Variants in FLT1 observed in about 807,000 individuals in gnomAD.
FLT1 encodes the protein vascular endothelial growth factor receptor 1.
A neutral mutation model predicts 156.3 loss-of-function variants in FLT1; 49 were observed. The observed-to-expected ratio is 0.31, with a 90% CI of 0.25 to 0.40. FLT1 has a LOEUF of 0.40. Among genes scored for constraint, FLT1 ranks in the 10% least tolerant of loss-of-function variants. The probability of loss-of-function intolerance (pLI) is 1.00; values close to 1 mark genes in which losing one functional copy is unlikely to be tolerated. For synonymous variants in FLT1, 594 were observed against 583.8 expected (o/e 1.02, Z -0.25); for missense variants, 1,322 against 1,637.2 (o/e 0.81, Z 3.32).
chr13:28,334,061 G>T lies in FLT1; in HGVS notation c.2557C>A (p.Pro853Thr). 6.2e-7 allele frequency: 1 copy of T among 1,613,634 alleles called. No homozygotes were observed. Among genetic ancestry groups the T allele is most frequent in the Non-Finnish European group, 8.5e-7 (1 of 1,179,518 alleles). ...QASAFGIKKS[P>T]TCRTVAVKML... ...TTCACAGCCACAGTCCGGCACGTAGGTGATTTCTTAATGCCAAATGCTGAT... is the reference window on the plus strand; with the variant it reads ...TTCACAGCCACAGTCCGGCACGTAGTTGATTTCTTAATGCCAAATGCTGAT... The change falls in exon 18 of 30, where the codon CCT becomes ACT. Residue 853 changes from proline (P) to threonine (T), a missense_variant. By Grantham distance (38) the Pro-to-Thr change is conservative (BLOSUM62 -1). This residue lies in a region of FLT1 where 991 missense variants were observed against 1,254.8 expected (regional missense o/e 0.79). Coordinates refer to ENST00000282397, the MANE Select transcript of FLT1 (RefSeq NM_002019.4).
chr13:28,303,573 G>A (rs574624075), intron 29 of FLT1, among the ~76,000 whole-genome samples: 1 of 150,096 alleles, frequency 6.7e-6, no homozygotes, highest in East Asian at 2.0e-4. Flanking sequence ...TGGTGTCATT[G>A]GGCAGAAAGA....
At chr13:28,435,073 C>G (rs1877950505) in intron 4 of FLT1, among the ~76,000 whole-genome samples, 1 of 152,168 alleles carries the variant, frequency 6.6e-6, no homozygotes, top group East Asian at 1.9e-4. Context: ...ATAACATTAA[C>G]TCAGCACTCA....
intron 3 of FLT1, among the ~76,000 whole-genome samples, chr13:28,460,284 T>C (rs989100430): frequency 6.6e-6 from 1 of 152,228 alleles, no homozygotes; most frequent in Non-Finnish European, 1.5e-5. Flanking sequence ...GACCCACTTC[T>C]GAACAATAGT....
intron 1 of FLT1, among the ~76,000 whole-genome samples, chr13:28,483,905 G>A (rs114577095): frequency 0.013 from 1,907 of 152,232 alleles, 37 homozygotes; most frequent in African/African-American, 0.043. Context: ...GATACTTTGA[G>A]TAAATGTTGG....
chr13:28,310,027 C>G (rs1870932425), intron 27 of FLT1, among the ~76,000 whole-genome samples: 1 of 151,298 alleles, frequency 6.6e-6, no homozygotes, highest in Non-Finnish European at 1.5e-5. Flanking sequence ...GTAGCTGGGA[C>G]TACAGGTACG....
intron 13 of FLT1, chr13:28,386,688 G>T (rs762979008): frequency 5.1e-5 from 54 of 1,055,816 alleles, no homozygotes; most frequent in Non-Finnish European, 6.1e-5. Flanking sequence ...TTTGATTTAC[G>T]ACTACTTGTA....
chr13:28,386,668 G>A, intron 13 of FLT1: 2 of 1,056,912 alleles, frequency 1.9e-6, no homozygotes, highest in Non-Finnish European at 2.3e-6. Context: ...ATGCAGTCCT[G>A]TTTAAAACCT....
chr13:28,479,928 A>T (rs1880745539), intron 1 of FLT1, among the ~76,000 whole-genome samples: 1 of 152,242 alleles, frequency 6.6e-6, no homozygotes, highest in East Asian at 1.9e-4. Flanking sequence ...ATAACTTATG[A>T]ATCAGCTCAT....
chr13:28,387,785 C>T, intron 13 of FLT1: 1 of 919,942 alleles, frequency 1.1e-6, no homozygotes, highest in Non-Finnish European at 1.3e-6. Context: ...TAATAAAAAA[C>T]AAAACCCACC....
intron 15 of FLT1, among the ~76,000 whole-genome samples, chr13:28,357,276 A>C (rs1872930597): frequency 6.6e-6 from 1 of 151,974 alleles, no homozygotes; most frequent in Non-Finnish European, 1.5e-5. Flanking sequence ...GTAATAACAC[A>C]GTCAGAACTG....
intron 1 of FLT1, among the ~76,000 whole-genome samples, chr13:28,489,392 C>T (rs757561588): frequency 2.0e-5 from 3 of 152,120 alleles, no homozygotes; most frequent in Non-Finnish European, 4.4e-5. Context: ...TAGGTGCCAG[C>T]GGTCTAAGGA....
Position 28,466,975 on chromosome 13 carries a change from T to C in FLT1, c.316A>G (p.Ser106Gly). 6.2e-7 allele frequency: 1 copy of C among 1,614,198 alleles called. No homozygotes were observed. Among genetic ancestry groups the C allele is most frequent in the Non-Finnish European group, 8.5e-7 (1 of 1,179,996 alleles). Reference protein sequence around the residue: ...TAQANHTGFYSCKYLAVPTSK... With the variant: ...TAQANHTGFYGCKYLAVPTSK... ...GTAGGTACAGCTAGATATTTGCAGC[T>C]GTAGAAGCCAGTGTGGTTTGCTTGA... Residue 106 changes from serine (S) to glycine (G), a missense_variant, in exon 3 of 30, where the codon AGC becomes GGC. Ser to Gly is a moderately conservative substitution (Grantham distance 56). This residue lies in a region of FLT1 where 991 missense variants were observed against 1,254.8 expected (regional missense o/e 0.79). Coordinates refer to ENST00000282397, the MANE Select transcript of FLT1 (RefSeq NM_002019.4).
At chr13:28,446,804 T>C (rs1878641083) in intron 3 of FLT1, among the ~76,000 whole-genome samples, 1 of 152,172 alleles carries the variant, frequency 6.6e-6, no homozygotes. Context: ...GATTCTAAAA[T>C]TCATATGAAA....
intron 11 of FLT1, chr13:28,399,248 G>T: frequency 1.9e-6 from 1 of 532,652 alleles, no homozygotes; most frequent in South Asian, 3.8e-5. Flanking sequence ...TTTAAGCTGG[G>T]GTGTCAGCTC....
intron 12 of FLT1, among the ~76,000 whole-genome samples, chr13:28,393,440 A>G (rs9508021): frequency 0.37 from 56,076 of 152,032 alleles, 10,618 homozygotes; most frequent in East Asian, 0.46. Flanking sequence ...GTGAATGGTT[A>G]CCAGGAAGTT....
chr13:28,311,376 G>C (rs1459402902), intron 27 of FLT1, among the ~76,000 whole-genome samples: 3 of 152,208 alleles, frequency 2.0e-5, no homozygotes, highest in Non-Finnish European at 4.4e-5. Context: ...CAATCATAGA[G>C]AGTATAATAG....
intron 1 of FLT1, among the ~76,000 whole-genome samples, chr13:28,470,520 G>T (rs546190593): frequency 4.8e-4 from 73 of 152,162 alleles, no homozygotes; most frequent in Non-Finnish European, 3.2e-4. Context: ...TCCAGGAAAA[G>T]AAGCAGTTCC....
intron 11 of FLT1, among the ~76,000 whole-genome samples, chr13:28,398,613 T>A (rs1269707327): frequency 6.6e-6 from 1 of 152,224 alleles, no homozygotes; most frequent in Non-Finnish European, 1.5e-5. Context: ...ACACAGTGCT[T>A]TCTCTTCTGT....
intron 16 of FLT1, among the ~76,000 whole-genome samples, chr13:28,343,181 C>A (rs1347163420): frequency 6.6e-6 from 1 of 152,164 alleles, no homozygotes; most frequent in Non-Finnish European, 1.5e-5. Context: ...CGGGGTTTCA[C>A]CATGTTGGCC....
Sources: allele counts gnomAD v4.1 joint callset (sites outside exome capture counted in the v4.1 genomes callset), GRCh38; gene constraint gnomAD v4.1.1; regional missense constraint gnomAD v4.1.1; transcripts MANE v1.5; gene names NCBI Gene and HGNC (gene_info 2026-07-23, HGNC 2026-07-21).